AGBL1: variants seen among roughly 807,000 people sequenced by gnomAD.
The protein encoded by AGBL1 is AGBL carboxypeptidase 1.
In AGBL1, 130 loss-of-function variants were observed where a neutral mutation model predicts 118.9. That is an observed-to-expected ratio of 1.09 (90% CI 0.95 to 1.26). The LOEUF is 1.26. Among genes scored for constraint, AGBL1 ranks in the 50% most tolerant of loss-of-function variants. The pLI is 0.00. For missense variants in AGBL1, 1,584 were observed against 1,298.1 expected, an observed-to-expected ratio of 1.22 and a Z score of -3.38; for synonymous variants, 555 against 478.9, an observed-to-expected ratio of 1.16 and a Z score of -2.08.
chr15:86,572,866 T>G (rs1215947418), intron 21 of AGBL1, among the ~76,000 whole-genome samples: 1 of 152,236 alleles, frequency 6.6e-6, no homozygotes, highest in Non-Finnish European at 1.5e-5. Context: ...CTGTATTATT[T>G]CTGTCTCACT....
chr15:86,703,390 T>C (rs1212546818), intron 22 of AGBL1, among the ~76,000 whole-genome samples: 2 of 152,260 alleles, frequency 1.3e-5, no homozygotes, highest in Non-Finnish European at 2.9e-5. Context: ...TGATGTGCTT[T>C]TAGGTGAGTT....
chr15:86,248,644 T>G (rs934326902), intron 7 of AGBL1, among the ~76,000 whole-genome samples: 4 of 152,206 alleles, frequency 2.6e-5, no homozygotes, highest in African/African-American at 9.7e-5. Flanking sequence ...AACTGCGTTG[T>G]GAGGATGAGC....
intron 18 of AGBL1, among the ~76,000 whole-genome samples, chr15:86,461,798 T>G (rs1014832093): frequency 2.0e-5 from 3 of 152,146 alleles, no homozygotes; most frequent in Admixed American, 2.0e-4. Context: ...TCTCCTTCCC[T>G]TTGCAAGAAT....
At chr15:86,700,301 G>C (rs2142640710) in intron 22 of AGBL1, among the ~76,000 whole-genome samples, 1 of 151,936 alleles carries the variant, frequency 6.6e-6, no homozygotes, top group African/African-American at 2.4e-5. Flanking sequence ...CATTCTCTGA[G>C]CAAGTCTTTA....
At chr15:86,259,831 A>G (rs988710253) in intron 9 of AGBL1, among the ~76,000 whole-genome samples, 1 of 152,228 alleles carries the variant, frequency 6.6e-6, no homozygotes, top group African/African-American at 2.4e-5. Context: ...TGTCTGATGC[A>G]GAGTGTCACC....
intron 3 of AGBL1, 23 bp from the exon 4 acceptor site, chr15:86,154,407 G>T: frequency 6.2e-7 from 1 of 1,607,736 alleles, no homozygotes; most frequent in Non-Finnish European, 8.5e-7. Flanking sequence ...GTGCAACTAA[G>T]ATAGATTGAT....
intron 21 of AGBL1, among the ~76,000 whole-genome samples, chr15:86,654,888 G>A (rs899683023): frequency 3.9e-5 from 6 of 152,076 alleles, no homozygotes; most frequent in Admixed American, 3.9e-4. Flanking sequence ...CCCAGGCACC[G>A]AGAGATTGCC....
At chr15:86,520,062 C>G (rs1202125518) in intron 18 of AGBL1, among the ~76,000 whole-genome samples, 1 of 152,140 alleles carries the variant, frequency 6.6e-6, no homozygotes, top group African/African-American at 2.4e-5. Flanking sequence ...GCCTGGAGTT[C>G]TTAGTCAAGA....
At chr15:86,589,663 A>G (rs1460825616) in intron 21 of AGBL1, among the ~76,000 whole-genome samples, 1 of 152,222 alleles carries the variant, frequency 6.6e-6, no homozygotes, top group East Asian at 1.9e-4. Context: ...TGCTTTCTTC[A>G]CTTGGATTTG....
chr15:86,463,212 GC>G (rs1046004159), intron 18 of AGBL1, among the ~76,000 whole-genome samples: 2 of 151,232 alleles, frequency 1.3e-5, no homozygotes, highest in Non-Finnish European at 2.9e-5. Flanking sequence ...TTTTTTATGT[GC>G]TTTTTTGCTG....
intron 21 of AGBL1, among the ~76,000 whole-genome samples, chr15:86,660,857 C>G (rs2085526797): frequency 6.6e-6 from 1 of 152,128 alleles, no homozygotes; most frequent in Non-Finnish European, 1.5e-5. Flanking sequence ...TTCTAAGTCT[C>G]TCCTTCTCCA....
chr15:87,007,289 A>G (rs888574881), intron 24 of AGBL1, among the ~76,000 whole-genome samples: 1 of 152,182 alleles, frequency 6.6e-6, no homozygotes, highest in African/African-American at 2.4e-5. Flanking sequence ...TTGTAATGAA[A>G]CTAACAGAAT....
At chr15:86,352,743 C>T (rs1456513167) in intron 17 of AGBL1, among the ~76,000 whole-genome samples, 3 of 152,148 alleles carry the variant, frequency 2.0e-5, no homozygotes, top group Non-Finnish European at 2.9e-5. Context: ...GCCTCAGCCT[C>T]CCAAAGTGCT....
Position 86,266,375 on chromosome 15 carries a change from A to T in AGBL1, c.1669A>T (p.Ile557Phe). The change falls in exon 12 of 23, where the codon ATC becomes TTC. Residue 557 changes from isoleucine (I) to phenylalanine (F), a missense_variant and splice_region_variant. Physicochemically the swap from Ile to Phe is conservative, Grantham distance 21 (BLOSUM62 0). Coordinates refer to ENST00000614907, the MANE Select transcript of AGBL1 (RefSeq NM_001386094.1). ...MLERKCGVQRIRIFEDIRRLI... is the reference protein window; with the variant it reads ...MLERKCGVQRFRIFEDIRRLI... ...AATGTTTTCAATTTTCTTTTTCAGG[A>T]TCAGGATATTTGAGGATATTCGGAG... 6.4e-7 allele frequency: 1 copy of T among 1,572,724 alleles called. No homozygotes were observed. Among genetic ancestry groups the T allele is most frequent in the Non-Finnish European group, 8.6e-7 (1 of 1,156,864 alleles).
At chr15:86,789,124 G>C (rs1346706274) in intron 22 of AGBL1, among the ~76,000 whole-genome samples, 1 of 152,218 alleles carries the variant, frequency 6.6e-6, no homozygotes, top group Non-Finnish European at 1.5e-5. Context: ...TCTAATTACA[G>C]AGTCAGAAAT....
intron 23 of AGBL1, among the ~76,000 whole-genome samples, chr15:86,922,116 T>C (rs866059274): frequency 6.6e-6 from 1 of 152,042 alleles, no homozygotes; most frequent in Non-Finnish European, 1.5e-5. Context: ...GTATAACTAG[T>C]TTATAATCAT....
chr15:86,831,521 A>G (rs1049046429), intron 22 of AGBL1, among the ~76,000 whole-genome samples: 1 of 152,204 alleles, frequency 6.6e-6, no homozygotes, highest in South Asian at 2.1e-4. Flanking sequence ...GGCTACATGC[A>G]ATTCTGAAAT....
At chr15:86,374,135 TTG>T (rs2081005588) in intron 17 of AGBL1, among the ~76,000 whole-genome samples, 1 of 152,202 alleles carries the variant, frequency 6.6e-6, no homozygotes, top group Non-Finnish European at 1.5e-5. Flanking sequence ...GTCCCAGCAA[TTG>T]TTAGAAACAA....
intron 22 of AGBL1, among the ~76,000 whole-genome samples, chr15:86,806,106 T>C (rs1433922078): frequency 3.3e-5 from 5 of 152,022 alleles, no homozygotes; most frequent in Non-Finnish European, 7.4e-5. Context: ...GAAGGAAGGG[T>C]GGGAGGCCTC....
Sources: gnomAD v4.1 joint callset for allele counts (sites outside exome capture counted in the v4.1 genomes callset) on GRCh38, gnomAD v4.1.1 for gene constraint, MANE v1.5 for transcripts, NCBI Gene and HGNC (gene_info 2026-07-23, HGNC 2026-07-21) for gene names.